Variants in FAM184B observed in about 807,000 individuals in gnomAD.
The protein encoded by FAM184B is protein FAM184B.
FAM184B carries 111 observed loss-of-function variants against 135.9 expected under a neutral mutation model. The observed-to-expected ratio is 0.82, with a 90% confidence interval of 0.70 to 0.96. The LOEUF is 0.96. Ranked by LOEUF, FAM184B falls within the 40% of genes least tolerant of loss-of-function variation. The pLI is 0.00. For synonymous variants in FAM184B, 552 were observed against 524.8 expected (o/e 1.05, Z -0.71); for missense variants, 1,375 against 1,323.9 (o/e 1.04, Z -0.60).
At chr4:17,739,053 C>T (rs1717967733) in intron 1 of FAM184B, among the ~76,000 whole-genome samples, 1 of 152,172 alleles carries the variant, frequency 6.6e-6, no homozygotes, top group South Asian at 2.1e-4. Flanking sequence ...TCAGATATTC[C>T]TTTATAGAAG....
At chr4:17,635,276 C>T (rs1245064592) in intron 15 of FAM184B, among the ~76,000 whole-genome samples, 163 bp from the exon 16 acceptor site, 1 of 152,142 alleles carries the variant, frequency 6.6e-6, no homozygotes, top group African/African-American at 2.4e-5. Flanking sequence ...TTTGAGGAAG[C>T]ACCTTTGCTT....
chr4:17,754,243 GA>G (rs1001311616), intron 1 of FAM184B, among the ~76,000 whole-genome samples: 33 of 151,802 alleles, frequency 2.2e-4, no homozygotes, highest in Non-Finnish European at 4.7e-4. Flanking sequence ...ACACATTTAG[GA>G]AAAAACTTAA....
chr4:17,685,558 CA>C (rs11350244), intron 7 of FAM184B, among the ~76,000 whole-genome samples: 23,677 of 86,288 alleles, frequency 0.27, 2,077 homozygotes, highest in East Asian at 0.56. Flanking sequence ...GACTCTGTCT[CA>C]AAAAAAAAAA....
intron 7 of FAM184B, among the ~76,000 whole-genome samples, chr4:17,673,112 C>A (rs1716216414): frequency 6.6e-6 from 1 of 151,988 alleles, no homozygotes; most frequent in Non-Finnish European, 1.5e-5. Flanking sequence ...AAAAAGTGGG[C>A]TAAGGACATG....
At chr4:17,646,290 T>G (rs1715463708) in intron 12 of FAM184B, among the ~76,000 whole-genome samples, 1 of 151,322 alleles carries the variant, frequency 6.6e-6, no homozygotes. Flanking sequence ...GTATGTTTAC[T>G]GCAACACTAT....
intron 1 of FAM184B, among the ~76,000 whole-genome samples, chr4:17,765,406 T>C (rs1461602090): frequency 6.6e-6 from 1 of 152,142 alleles, no homozygotes; most frequent in African/African-American, 2.4e-5. Flanking sequence ...TTGATTATAA[T>C]ATTGATTATA....
rs541878108 is a variant in FAM184B at position 17,749,919 on chromosome 4, T to C, written c.141+31240A>G. On this transcript the variant is annotated intron_variant, in intron 1 of 17. Coordinates refer to ENST00000265018, the MANE Select transcript of FAM184B (RefSeq NM_015688.2). ...TATTTACCGTTATAATGTAAGTGTCTTTTTCCTTCATACAAATCATGCTTA... is the reference window on the plus strand; with the variant it reads ...TATTTACCGTTATAATGTAAGTGTCCTTTTCCTTCATACAAATCATGCTTA... Among the ~76,000 whole-genome samples, 20 of 152,342 alleles carry C rather than the reference T, an allele frequency of 1.3e-4. No individual in the cohort carries two copies. The East Asian group carries it at 3.9e-3, about 29-fold the overall frequency.
chr4:17,681,102 G>A (rs1222262502), intron 7 of FAM184B, among the ~76,000 whole-genome samples: 1 of 152,184 alleles, frequency 6.6e-6, no homozygotes, highest in African/African-American at 2.4e-5. Context: ...ATTACCACAA[G>A]TCTCTGGGGG....
At chr4:17,641,234 A>G (rs1221051168) in intron 13 of FAM184B, among the ~76,000 whole-genome samples, 1 of 151,988 alleles carries the variant, frequency 6.6e-6, no homozygotes, top group Non-Finnish European at 1.5e-5. Context: ...ACGCCAGCCG[A>G]GGCTGGAGTC....
At chr4:17,707,616 G>C in intron 3 of FAM184B, 33 bp downstream of exon 3, 2 of 1,550,026 alleles carry the variant, frequency 1.3e-6, no homozygotes, top group Non-Finnish European at 1.7e-6. Flanking sequence ...CTAACCTTGG[G>C]TCTTTTAAGG....
intron 1 of FAM184B, among the ~76,000 whole-genome samples, chr4:17,770,511 TG>T (rs1386139849): frequency 6.6e-6 from 1 of 152,316 alleles, no homozygotes; most frequent in African/African-American, 2.4e-5. Flanking sequence ...CCACGCAGGC[TG>T]GAGTGCAGTG....
Position 17,631,729 on chromosome 4 carries a change from T to C in FAM184B, c.*803A>G, listed in dbSNP as rs1438013350. On this transcript the variant is annotated 3_prime_UTR_variant, in exon 18 of 18. Transcript: ENST00000265018. ...GTGAAAGTATTCAGTCCAAGCATGC[T>C]ACCATCCATTTCTGGTAGGTTTGGT... 1 of 152,252 alleles carries C rather than the reference T, an allele frequency of 6.6e-6. No homozygotes were observed. Among genetic ancestry groups the C allele is most frequent in the East Asian group, 1.9e-4 (1 of 5,202 alleles). The allele number at this position is 152,252 out of a possible 1,614,324, so 9.4% of individuals were successfully genotyped here.
intron 7 of FAM184B, among the ~76,000 whole-genome samples, chr4:17,681,324 C>T (rs1716427670): frequency 6.6e-6 from 1 of 152,194 alleles, no homozygotes; most frequent in South Asian, 2.1e-4. Context: ...CTGTCTGAGG[C>T]TCCTAAGGAG....
In FAM184B at chr4:17,688,446, T is replaced by C. The variant is rs970377413; in HGVS notation, c.1574A>G (p.His525Arg). The C allele has an allele frequency of 1.1e-5, 17 of 1,550,812 alleles. No individual in the cohort carries two copies. The highest frequency in any genetic ancestry group is 1.4e-5 in the Non-Finnish European group (16 of 1,146,798). The change falls in exon 7 of 18, where the codon CAC becomes CGC. Residue 525 changes from histidine to arginine, a missense_variant. Transcript: ENST00000265018. ...TACCTGGGTCTCCAGAATGCTGCAG[T>C]GCTGGCGGCCTAATTCCTGGGGACT... ...EESPQELGRQ[H>R]CSILETQDPC...
intron 7 of FAM184B, among the ~76,000 whole-genome samples, chr4:17,679,040 A>G (rs562082807): frequency 1.3e-5 from 2 of 152,380 alleles, no homozygotes. Context: ...AAGATGGTTC[A>G]AAGACTTAAA....
rs1409663531 is a variant in FAM184B at position 17,632,416 on chromosome 4, C to T, written c.*116G>A. 8 of 877,060 alleles carry T rather than the reference C, an allele frequency of 9.1e-6. No homozygotes were observed. Among genetic ancestry groups the T allele is most frequent in the Middle Eastern group, 2.8e-4 (1 of 3,580 alleles). 54.3% of individuals were successfully genotyped at this position (877,060 alleles called of 1,614,324 possible). ...TAACGCCAAAATTTGTTTTAGCTAT[C>T]ATATATAAATCATAAGCATATTATT... On this transcript the variant is annotated 3_prime_UTR_variant, in exon 18 of 18. Coordinates refer to ENST00000265018, the MANE Select transcript of FAM184B (RefSeq NM_015688.2).
intron 7 of FAM184B, among the ~76,000 whole-genome samples, chr4:17,665,091 A>G (rs918729246): frequency 6.6e-6 from 1 of 152,112 alleles, no homozygotes; most frequent in African/African-American, 2.4e-5. Context: ...TTTCCTTGTT[A>G]AGCCTGCTGC....
At chr4:17,671,465 TA>T (rs1177021502) in intron 7 of FAM184B, among the ~76,000 whole-genome samples, 1 of 152,058 alleles carries the variant, frequency 6.6e-6, no homozygotes, top group Admixed American at 6.6e-5. Flanking sequence ...TCCTGCTTCT[TA>T]CTGGGAGGAA....
At chr4:17,742,168 A>ATATATATATTTTTT (rs1459958150) in intron 1 of FAM184B, among the ~76,000 whole-genome samples, 18 of 109,298 alleles carry the variant, frequency 1.6e-4, no homozygotes, top group African/African-American at 8.2e-4. Context: ...ATATATATAT[A>ATATATATATTTTTT]TTTTTTTTTT....
Sources: gnomAD v4.1 joint callset for allele counts (sites outside exome capture counted in the v4.1 genomes callset) on GRCh38, gnomAD v4.1.1 for gene constraint, MANE v1.5 for transcripts, NCBI Gene and HGNC (gene_info 2026-07-23, HGNC 2026-07-21) for gene names.